Variants in PHC1 observed in about 807,000 individuals in gnomAD.
The protein encoded by PHC1 is polyhomeotic-like protein 1.
PHC1 carries 12 observed loss-of-function variants against 104.3 expected under a neutral mutation model. That is an observed-to-expected ratio of 0.12 (90% CI 0.07 to 0.19). The LOEUF (loss-of-function observed/expected upper bound fraction) is 0.19, where lower values mean the gene tolerates loss of function less well. PHC1 is among the 10% of genes least tolerant of loss of function. The pLI is 1.00. For missense variants in PHC1, 671 were observed against 1,200.0 expected (o/e 0.56, Z 6.51); for synonymous variants, 302 against 455.8 (o/e 0.66, Z 4.30).
chr12:8,932,511 A>G, intron 7 of PHC1, 52 bp from the exon 8 acceptor site: 1 of 1,576,836 alleles, frequency 6.3e-7, no homozygotes, highest in South Asian at 1.1e-5. Context: ...TAGAATGATT[A>G]TTATTCTCTG....
chr12:8,917,883 A>G (rs901582965), intron 2 of PHC1, 92 bp downstream of exon 2: 25 of 688,548 alleles, frequency 3.6e-5, no homozygotes, highest in South Asian at 5.9e-5. Context: ...TTCTTTTTCA[A>G]CAAACTGGGG....
At chr12:8,926,282 C>G (rs1464368804) in intron 6 of PHC1, among the ~76,000 whole-genome samples, 1 of 152,054 alleles carries the variant, frequency 6.6e-6, no homozygotes, top group Non-Finnish European at 1.5e-5. Context: ...TAATTGAAGT[C>G]CCCCATCTAC....
intron 2 of PHC1, among the ~76,000 whole-genome samples, chr12:8,918,685 C>G (rs75203049): frequency 0.016 from 2,454 of 152,188 alleles, 74 homozygotes; most frequent in African/African-American, 0.056. Flanking sequence ...TTCACCCGAT[C>G]TAGTCTTTGC....
intron 13 of PHC1, 108 bp from the exon 14 acceptor site, chr12:8,937,721 T>A: frequency 2.7e-6 from 2 of 754,126 alleles, no homozygotes. Context: ...ATTTCACATA[T>A]GATAAGATGA....
chr12:8,922,802 A>C lies in PHC1; in HGVS notation c.612+14A>C, dbSNP rs1159059587. Reference sequence around the variant, plus strand: ...GATGCAGATCAGGTTAGTGGCGATGACTTTACCTGTGGGTGGGCACTGGGC... The same window carrying C: ...GATGCAGATCAGGTTAGTGGCGATGCCTTTACCTGTGGGTGGGCACTGGGC... On this transcript the variant is annotated intron_variant, in intron 6 of 14. Transcript: ENST00000544916. The C allele has an allele frequency of 1.2e-6, 2 of 1,610,914 alleles. No homozygotes were observed. The highest frequency in any genetic ancestry group is 1.7e-6 in the Non-Finnish European group (2 of 1,178,548).
chr12:8,938,966 T>C (rs1006992481), intron 14 of PHC1, among the ~76,000 whole-genome samples: 2 of 152,116 alleles, frequency 1.3e-5, no homozygotes, highest in East Asian at 3.9e-4. Flanking sequence ...GCTGGGACTA[T>C]AGGCATGCAT....
chr12:8,922,998 A>G (rs890453371), intron 6 of PHC1, among the ~76,000 whole-genome samples: 1 of 152,238 alleles, frequency 6.6e-6, no homozygotes, highest in Non-Finnish European at 1.5e-5. Flanking sequence ...TTGCCTGAAA[A>G]TAGTCTTGTG....
At chr12:8,938,086 C>G (rs1013068526) in intron 14 of PHC1, 26 bp downstream of exon 14, 2 of 1,548,104 alleles carry the variant, frequency 1.3e-6, no homozygotes, top group Admixed American at 1.7e-5. Context: ...TCAACAGAAC[C>G]CAGGTTGTTT....
rs754351178 is a variant in PHC1, at chr12:8,939,463, G to A, written c.*4G>A. On this transcript the variant is annotated 3_prime_UTR_variant, in exon 15 of 15. Coordinates refer to ENST00000544916, the MANE Select transcript of PHC1 (RefSeq NM_004426.3). ...AAATGTCCTCAAGGAGACCTAAGGTGGCCCTCTTGCACAAACCAGCCTAAG... is the reference window on the plus strand; with the variant it reads ...AAATGTCCTCAAGGAGACCTAAGGTAGCCCTCTTGCACAAACCAGCCTAAG... 6.5e-7 allele frequency: 1 copy of A among 1,530,668 alleles called. No homozygotes were observed. The highest frequency in any genetic ancestry group is 2.0e-5 in the Admixed American group (1 of 50,686). The allele number at this position is 1,530,668 out of a possible 1,614,324, so 94.8% of individuals were successfully genotyped here. A position where few individuals can be genotyped will look rare whatever the true frequency, so the allele number is the denominator to read the frequency against.
intron 8 of PHC1, chr12:8,933,588 C>A (rs943133489): frequency 4.7e-6 from 3 of 637,794 alleles, no homozygotes; most frequent in African/African-American, 1.8e-5. Context: ...TCAAGATAGC[C>A]TTAACCAAAT....
intron 6 of PHC1, among the ~76,000 whole-genome samples, chr12:8,928,081 A>G (rs1945580298): frequency 6.6e-6 from 1 of 151,290 alleles, no homozygotes; most frequent in Non-Finnish European, 1.5e-5. Flanking sequence ...AATGTTTTGT[A>G]TTTTTAGTAG....
rs1367706792 is a variant in PHC1, at chr12:8,934,017, G to A, written c.2041+5G>A. The A allele has an allele frequency of 9.9e-6, 16 of 1,613,970 alleles. No individual in the cohort carries two copies. The highest frequency in any genetic ancestry group is 1.3e-5 in the African/African-American group (1 of 75,034). The stretch of plus-strand genomic sequence containing the variant: ...ACGAGAAGAGCAGTCTTGGAGGTGA[G>A]TAACTGACTTCTAATGCTGTTGGAG... On this transcript the variant is annotated splice_donor_5th_base_variant and intron_variant, in intron 9 of 14. Coordinates refer to ENST00000544916, the MANE Select transcript of PHC1 (RefSeq NM_004426.3).
intron 6 of PHC1, among the ~76,000 whole-genome samples, chr12:8,924,692 G>T (rs374893629): frequency 7.9e-5 from 12 of 152,168 alleles, no homozygotes; most frequent in Non-Finnish European, 1.6e-4. Context: ...TGTGGTAGGC[G>T]TTGGAGATGA....
rs771263024 is a variant in PHC1, at chr12:8,930,478, G to C, written c.656G>C (p.Gly219Ala). ...AVRNQQASAQ[G>A]PQMQGSTQKA... is the part of the protein sequence containing the mutation. Reference sequence around the variant, plus strand: ...AGGAATCAACAGGCCTCAGCTCAAGGACCTCAGATGCAAGGCTCCACTCAG... The same window carrying C: ...AGGAATCAACAGGCCTCAGCTCAAGCACCTCAGATGCAAGGCTCCACTCAG... Residue 219 changes from glycine to alanine, a missense_variant, in exon 7 of 15, where the codon GGA becomes GCA. Physicochemically the swap from Gly to Ala is moderately conservative, Grantham distance 60 (BLOSUM62 0). Transcript: ENST00000544916. The C allele has an allele frequency of 1.3e-6, 2 of 1,590,292 alleles. No homozygotes were observed. Among genetic ancestry groups the C allele is most frequent in the Non-Finnish European group, 1.7e-6 (2 of 1,167,998 alleles).
chr12:8,922,357 C>A (rs1472870369), intron 5 of PHC1, among the ~76,000 whole-genome samples: 1 of 152,184 alleles, frequency 6.6e-6, no homozygotes, highest in East Asian at 1.9e-4. Flanking sequence ...TACCTACTTT[C>A]TATATATAAG....
chr12:8,933,698 A>C (rs1214047921), intron 8 of PHC1, 167 bp from the exon 9 acceptor site: 4 of 648,950 alleles, frequency 6.2e-6, no homozygotes, highest in Non-Finnish European at 1.0e-5. Context: ...TTTTGTCCTG[A>C]TGGAAAGTTA....
At chr12:8,934,530 G>C in intron 10 of PHC1, 52 bp downstream of exon 10, 1 of 1,372,818 alleles carries the variant, frequency 7.3e-7, no homozygotes, top group South Asian at 1.3e-5. Flanking sequence ...TGGTCTGATT[G>C]TTGTCTTTTC....
intron 2 of PHC1, among the ~76,000 whole-genome samples, chr12:8,918,756 A>G (rs1448884845): frequency 6.6e-6 from 1 of 152,210 alleles, no homozygotes; most frequent in Non-Finnish European, 1.5e-5. Context: ...GCACTGCTTT[A>G]CTTTTCTTAA....
chr12:8,931,001 T>G, intron 7 of PHC1, 74 bp downstream of exon 7: 1 of 1,484,504 alleles, frequency 6.7e-7, no homozygotes, highest in Non-Finnish European at 9.0e-7. Flanking sequence ...TTTTTTGCCT[T>G]TTTTTCTTTG....
Sources: gnomAD v4.1 joint callset for allele counts (sites outside exome capture counted in the v4.1 genomes callset) on GRCh38, gnomAD v4.1.1 for gene constraint, MANE v1.5 for transcripts, NCBI Gene and HGNC (gene_info 2026-07-23, HGNC 2026-07-21) for gene names.